Variants in HSD17B12 observed in about 807,000 individuals in gnomAD.
HSD17B12 encodes the protein very-long-chain 3-oxoacyl-CoA reductase.
In HSD17B12, 32 loss-of-function variants were observed where a neutral mutation model predicts 39.3. The ratio of observed to expected loss-of-function variants is 0.81; its 90% confidence interval spans 0.61 to 1.09. The LOEUF is 1.09. Among genes scored for constraint, HSD17B12 ranks in the 50% least tolerant of loss-of-function variants. The pLI is 0.00. For synonymous variants in HSD17B12, 150 were observed against 146.7 expected (o/e 1.02, Z -0.16); for missense variants, 342 against 382.9 (o/e 0.89, Z 0.89).
chr11:43,801,595 GATATATAT>G (rs55674379), intron 4 of HSD17B12, among the ~76,000 whole-genome samples: 2,611 of 72,540 alleles, frequency 0.036, 45 homozygotes, highest in Non-Finnish European at 0.048. Context: ...GATAGTTGGA[GATATATAT>G]ATATATATAT....
chr11:43,850,125 G>T (rs1053000126), intron 9 of HSD17B12, among the ~76,000 whole-genome samples: 1 of 152,120 alleles, frequency 6.6e-6, no homozygotes, highest in East Asian at 1.9e-4. Context: ...AGGGATCTCT[G>T]CACCAGCAGA....
the HSD17B12 span, among the ~76,000 whole-genome samples, chr11:43,632,690 C>T: frequency 3.3e-5 from 5 of 152,006 alleles, no homozygotes; most frequent in African/African-American, 1.2e-4. Context: ...GCTTTTTAGC[C>T]CCATTTTTGG....
intron 1 of HSD17B12, among the ~76,000 whole-genome samples, chr11:43,710,397 A>G (rs1207669794): frequency 6.6e-6 from 1 of 152,236 alleles, no homozygotes; most frequent in Admixed American, 6.5e-5. Context: ...AAATGATAGT[A>G]TCTTTTACTT....
chr11:43,743,316 A>G (rs1247956649), intron 1 of HSD17B12, among the ~76,000 whole-genome samples: 2 of 152,180 alleles, frequency 1.3e-5, no homozygotes, highest in African/African-American at 2.4e-5. Flanking sequence ...AGAAATGGAA[A>G]GCTCCATTTT....
At position 43,788,826 on chromosome 11, in the gene HSD17B12, G is replaced by A. The variant is rs184408070; in HGVS notation, c.284-9494G>A. Reference sequence around the variant, plus strand: ...CCATAGGCCTGTGACCTGAGCATTTGCATGGAGCCCCACACTTAGAAGGGT... The same window carrying A: ...CCATAGGCCTGTGACCTGAGCATTTACATGGAGCCCCACACTTAGAAGGGT... On this transcript the variant is annotated intron_variant, in intron 3 of 10. Coordinates refer to ENST00000278353, the MANE Select transcript of HSD17B12 (RefSeq NM_016142.3). Among the ~76,000 whole-genome samples, 55 of 152,084 alleles carry A rather than the reference G, an allele frequency of 3.6e-4. 1 individual carries two copies. Among genetic ancestry groups the A allele is most frequent in the Admixed American group, 3.0e-3 (46 of 15,264 alleles).
chr11:43,715,096 C>T (rs1035368503), intron 1 of HSD17B12, among the ~76,000 whole-genome samples: 1 of 152,110 alleles, frequency 6.6e-6, no homozygotes, highest in African/African-American at 2.4e-5. Flanking sequence ...TTCCTCTTTT[C>T]CTAATTGAAT....
intron 1 of HSD17B12, among the ~76,000 whole-genome samples, chr11:43,730,537 A>G (rs1462111518): frequency 1.3e-5 from 2 of 152,236 alleles, no homozygotes; most frequent in Admixed American, 1.3e-4. Context: ...TTAGTTGAGA[A>G]TAAATGAGCA....
intron 9 of HSD17B12, among the ~76,000 whole-genome samples, chr11:43,845,466 G>A (rs868755412): frequency 1.1e-5 from 1 of 89,580 alleles, no homozygotes; most frequent in Non-Finnish European, 2.9e-5. Flanking sequence ...TAGTTGTCCT[G>A]TCTCTTTTAT....
At chr11:43,696,409 T>C (rs1949911891) in intron 1 of HSD17B12, among the ~76,000 whole-genome samples, 1 of 152,142 alleles carries the variant, frequency 6.6e-6, no homozygotes, top group Admixed American at 6.5e-5. Flanking sequence ...AAGAAACATA[T>C]GAAAAAAGCG....
At chr11:43,765,951 A>G (rs1276533758) in intron 3 of HSD17B12, among the ~76,000 whole-genome samples, 2 of 151,446 alleles carry the variant, frequency 1.3e-5, no homozygotes, top group African/African-American at 4.8e-5. Context: ...CTCCTGCCTC[A>G]GCCTCCCGCC....
chr11:43,654,536 A>T, the HSD17B12 span, among the ~76,000 whole-genome samples: 1 of 151,880 alleles, frequency 6.6e-6, no homozygotes, highest in African/African-American at 2.4e-5. Context: ...TAGGTCTAAC[A>T]TGTAAGTCTT....
At chr11:43,754,587 A>G (rs1950493559) in intron 3 of HSD17B12, among the ~76,000 whole-genome samples, 1 of 152,290 alleles carries the variant, frequency 6.6e-6, no homozygotes, top group Middle Eastern at 3.4e-3. Flanking sequence ...GAAAACAAAC[A>G]AACAAAAAAA....
chr11:43,563,912 C>CA, the HSD17B12 span, among the ~76,000 whole-genome samples: 24 of 151,380 alleles, frequency 1.6e-4, no homozygotes, highest in African/African-American at 5.6e-4. Context: ...GCAATACATT[C>CA]TTTTTTTTTC....
chr11:43,650,740 C>T, the HSD17B12 span, among the ~76,000 whole-genome samples: 1 of 152,198 alleles, frequency 6.6e-6, no homozygotes, highest in Non-Finnish European at 1.5e-5. Flanking sequence ...GGTGGATGCA[C>T]ACATGTAGTA....
At chr11:43,750,824 C>T in intron 1 of HSD17B12, 87 bp from the exon 2 acceptor site, 1 of 852,710 alleles carries the variant, frequency 1.2e-6, no homozygotes, top group Non-Finnish European at 1.9e-6. Flanking sequence ...CACACTGGTC[C>T]TTTTGTATGT....
chr11:43,807,185 G>A (rs557644303), intron 4 of HSD17B12, among the ~76,000 whole-genome samples: 100 of 152,272 alleles, frequency 6.6e-4, no homozygotes, highest in Non-Finnish European at 9.8e-4. Flanking sequence ...AGACAAAACA[G>A]ACACTGTTTC....
chr11:43,645,980 CAA>C, the HSD17B12 span: 604 of 141,892 alleles, frequency 4.3e-3, 1 homozygote, highest in Middle Eastern at 0.011. Context: ...GACCCTGTCT[CAA>C]AAAAAAAAAA....
the HSD17B12 span, among the ~76,000 whole-genome samples, chr11:43,647,802 T>C: frequency 6.6e-6 from 1 of 152,174 alleles, no homozygotes. Flanking sequence ...CCTGACAGGA[T>C]AGTAAGGTTT....
the HSD17B12 span, among the ~76,000 whole-genome samples, chr11:43,614,831 T>C: frequency 6.6e-6 from 1 of 152,136 alleles, no homozygotes; most frequent in Non-Finnish European, 1.5e-5. Flanking sequence ...AATTTCTTCT[T>C]CTGTGCTCAT....
Sources: allele counts gnomAD v4.1 joint callset (sites outside exome capture counted in the v4.1 genomes callset), GRCh38; gene constraint gnomAD v4.1.1; transcripts MANE v1.5; gene names NCBI Gene and HGNC (gene_info 2026-07-23, HGNC 2026-07-21).